Variants in PTPRN2 observed in about 807,000 individuals in gnomAD.
PTPRN2 encodes the protein protein tyrosine phosphatase receptor type N2, also known as receptor-type tyrosine-protein phosphatase N2.
PTPRN2 carries 74 observed loss-of-function variants against 118.8 expected under a neutral mutation model. That is an observed-to-expected ratio of 0.62 (90% CI 0.52 to 0.76). PTPRN2 has a LOEUF of 0.76. Among genes scored for constraint, PTPRN2 ranks in the 30% least tolerant of loss-of-function variants. The pLI, the probability that PTPRN2 is intolerant of heterozygous loss-of-function variation, is 0.00. For synonymous variants in PTPRN2, 641 were observed against 608.0 expected, an observed-to-expected ratio of 1.05 and a Z score of -0.80; for missense variants, 1,481 against 1,394.4, an observed-to-expected ratio of 1.06 and a Z score of -0.99.
chr7:157,644,874 C>T (rs970687510), intron 14 of PTPRN2, among the ~76,000 whole-genome samples: 2 of 152,190 alleles, frequency 1.3e-5, no homozygotes, highest in Non-Finnish European at 2.9e-5. Flanking sequence ...AGCTACAATC[C>T]TATGCACGAT....
intron 12 of PTPRN2, among the ~76,000 whole-genome samples, chr7:157,766,690 A>G (rs1216029928): frequency 2.6e-5 from 4 of 152,252 alleles, no homozygotes; most frequent in Admixed American, 6.5e-5. Flanking sequence ...TAAGGTACCC[A>G]GAACTGCAAG....
chr7:157,952,482 A>T, intron 11 of PTPRN2, among the ~76,000 whole-genome samples: 1 of 150,708 alleles, frequency 6.6e-6, no homozygotes. Flanking sequence ...ACACAGGGAG[A>T]CAGGCGAGGG....
chr7:157,753,769 G>T (rs937523408), intron 12 of PTPRN2, among the ~76,000 whole-genome samples: 1 of 152,110 alleles, frequency 6.6e-6, no homozygotes, highest in South Asian at 2.1e-4. Flanking sequence ...CGTGGCATGC[G>T]TGCATGGCTG....
intron 11 of PTPRN2, among the ~76,000 whole-genome samples, chr7:158,053,026 C>A (rs1809456004): frequency 6.6e-6 from 1 of 152,222 alleles, no homozygotes; most frequent in Admixed American, 6.5e-5. Context: ...TCGATCCCAC[C>A]CTGGCGTCTG....
At chr7:158,286,714 G>C (rs909391148) in intron 3 of PTPRN2, among the ~76,000 whole-genome samples, 6 of 152,164 alleles carry the variant, frequency 3.9e-5, no homozygotes, top group African/African-American at 9.7e-5. Context: ...GTTGATCGTG[G>C]TGAATGATCC....
At chr7:158,178,227 G>T (rs1824384101) in intron 5 of PTPRN2, among the ~76,000 whole-genome samples, 1 of 151,998 alleles carries the variant, frequency 6.6e-6, no homozygotes, top group Non-Finnish European at 1.5e-5. Context: ...AAGCTTTTGG[G>T]GTACGCATGG....
At chr7:157,930,668 C>T (rs1033816270) in intron 11 of PTPRN2, among the ~76,000 whole-genome samples, 104 of 152,316 alleles carry the variant, frequency 6.8e-4, no homozygotes, top group African/African-American at 2.3e-3. Context: ...ATCCCTGTTC[C>T]TGAGAGCCTC....
rs987162422 is a variant in PTPRN2 at position 157,610,011 on chromosome 7, G to A, written c.2345-5936C>T. On this transcript the variant is annotated intron_variant, in intron 15 of 22. Coordinates refer to ENST00000389418, the MANE Select transcript of PTPRN2 (RefSeq NM_002847.5). The surrounding 1 kb of genome is among the most constrained non-coding windows in gnomAD (Gnocchi z 5.1). Reference sequence around the variant, plus strand: ...CCACCCCACTGCATCTGAGGAAAGCGTGTGGAAGACTCCTCTGCCCGGAAC... The same window carrying A: ...CCACCCCACTGCATCTGAGGAAAGCATGTGGAAGACTCCTCTGCCCGGAAC... Among the ~76,000 whole-genome samples, 5 of 152,302 alleles carry A rather than the reference G, an allele frequency of 3.3e-5. No homozygotes were observed. Among genetic ancestry groups the A allele is most frequent in the Middle Eastern group, 3.4e-3 (1 of 294 alleles).
chr7:158,269,709 G>A (rs763312666), intron 3 of PTPRN2, among the ~76,000 whole-genome samples: 28 of 151,992 alleles, frequency 1.8e-4, no homozygotes, highest in Non-Finnish European at 3.7e-4. Flanking sequence ...GTCAGCTGAC[G>A]GCTGGGACCA....
chr7:157,664,002 C>A (rs534065437), intron 13 of PTPRN2, among the ~76,000 whole-genome samples: 1 of 152,166 alleles, frequency 6.6e-6, no homozygotes, highest in African/African-American at 2.4e-5. Context: ...TGGGACATTT[C>A]CACCCTGCAT....
At chr7:157,963,059 C>A (rs527455035) in intron 11 of PTPRN2, among the ~76,000 whole-genome samples, 1 of 152,234 alleles carries the variant, frequency 6.6e-6, no homozygotes, top group Non-Finnish European at 1.5e-5. Context: ...CAAGTCCACA[C>A]GGCAGACACT....
chr7:158,212,632 A>G (rs1827687162), intron 3 of PTPRN2, among the ~76,000 whole-genome samples: 1 of 152,318 alleles, frequency 6.6e-6, no homozygotes, highest in East Asian at 1.9e-4. Context: ...TTTATCTACT[A>G]TGAAAGATGG....
chr7:157,544,388 G>A (rs933255565), intron 22 of PTPRN2, among the ~76,000 whole-genome samples: 1 of 152,172 alleles, frequency 6.6e-6, no homozygotes, highest in African/African-American at 2.4e-5. Flanking sequence ...GGACAACACC[G>A]GGTACGTCTG....
At chr7:158,179,045 G>C (rs1324092627) in intron 5 of PTPRN2, among the ~76,000 whole-genome samples, 6 of 152,096 alleles carry the variant, frequency 3.9e-5, no homozygotes, top group Admixed American at 3.3e-4. Context: ...GGATCAAAAG[G>C]GTAGATCAAC....
intron 17 of PTPRN2, among the ~76,000 whole-genome samples, chr7:157,582,639 G>C (rs1800456137): frequency 6.6e-6 from 1 of 152,110 alleles, no homozygotes; most frequent in African/African-American, 2.4e-5. Flanking sequence ...ACTTTGGGAG[G>C]CCGAGGCAGG....
At chr7:158,079,240 C>A (rs539140933) in intron 11 of PTPRN2, among the ~76,000 whole-genome samples, 12 of 152,252 alleles carry the variant, frequency 7.9e-5, no homozygotes, top group African/African-American at 2.9e-4. Context: ...CAATTTTGCA[C>A]ACGTTCAAGA....
chr7:157,756,110 G>A (rs1417036691), intron 12 of PTPRN2, among the ~76,000 whole-genome samples: 1 of 152,146 alleles, frequency 6.6e-6, no homozygotes, highest in Non-Finnish European at 1.5e-5. Flanking sequence ...AAAACAGTAG[G>A]AAATGCCAGA....
rs536587607 is a variant in PTPRN2, at chr7:158,570,024, G to A, written c.112+17534C>T. Among the ~76,000 whole-genome samples, 63 of 152,294 alleles carry A rather than the reference G, an allele frequency of 4.1e-4. No individual in the cohort carries two copies. The highest frequency in any genetic ancestry group is 1.4e-3 in the African/African-American group (59 of 41,586). On this transcript the variant is annotated intron_variant, in intron 1 of 22. Coordinates refer to ENST00000389418, the MANE Select transcript of PTPRN2 (RefSeq NM_002847.5). This position sits in a 1 kb window ranked among gnomAD's most constrained non-coding sequence, Gnocchi z 4.5. ...AGAGCCCACGCGCCAAGGCCGCCAG[G>A]CCTTTCCTCCCTCGCGTTCCCTCAG...
At chr7:158,301,375 G>T (rs1216594398) in intron 3 of PTPRN2, among the ~76,000 whole-genome samples, 3 of 152,172 alleles carry the variant, frequency 2.0e-5, no homozygotes, top group Non-Finnish European at 4.4e-5. Context: ...GCGCTCAATT[G>T]TAAGAAGCTG....
Sources: allele counts gnomAD v4.1 joint callset (sites outside exome capture counted in the v4.1 genomes callset), GRCh38; gene constraint gnomAD v4.1.1; non-coding constraint Gnocchi (gnomAD v3.1); transcripts MANE v1.5; gene names NCBI Gene and HGNC (gene_info 2026-07-23, HGNC 2026-07-21).